The following ASH1L variants were observed in gnomAD, a reference collection of about 807,000 sequenced individuals.
ASH1L encodes histone-lysine N-methyltransferase ASH1L.
ASH1L carries 23 observed loss-of-function variants against 269.0 expected under a neutral mutation model. That is an observed-to-expected ratio of 0.09 (90% CI 0.06 to 0.12). The LOEUF is 0.12. Ranked by LOEUF, ASH1L falls within the 10% of genes least tolerant of loss-of-function variation. The pLI is 1.00. For missense variants in ASH1L, 2,912 were observed against 3,567.8 expected (o/e 0.82, Z 4.68); for synonymous variants, 1,187 against 1,253.5 (o/e 0.95, Z 1.12).
At chr1:155,545,175 C>CAAA (rs10624841) in intron 1 of ASH1L, among the ~76,000 whole-genome samples, 3,462 of 21,820 alleles carry the variant, frequency 0.16, 1,367 homozygotes, top group Middle Eastern at 0.42. Context: ...TCCATCTCAC[C>CAAA]AAAAAAAAAA....
intron 2 of ASH1L, among the ~76,000 whole-genome samples, chr1:155,506,866 G>A (rs1667850021): frequency 2.0e-5 from 3 of 152,088 alleles, no homozygotes; most frequent in Admixed American, 6.6e-5. Context: ...GGCTGAGGTA[G>A]GAGGATCGTT....
chr1:155,543,011 A>T (rs183386511), intron 1 of ASH1L, among the ~76,000 whole-genome samples: 5,921 of 146,556 alleles, frequency 0.04, 379 homozygotes, highest in African/African-American at 0.16. Flanking sequence ...CTTTTTTTTT[A>T]AATATTTTAA....
chr1:155,432,408 T>G (rs1661678695), intron 5 of ASH1L, among the ~76,000 whole-genome samples: 1 of 152,202 alleles, frequency 6.6e-6, no homozygotes, highest in Non-Finnish European at 1.5e-5. Flanking sequence ...TAGGAAAAGT[T>G]TCTAGATTTA....
At chr1:155,402,897 T>C (rs771513125) in intron 6 of ASH1L, among the ~76,000 whole-genome samples, 12 of 147,254 alleles carry the variant, frequency 8.1e-5, no homozygotes, top group African/African-American at 1.5e-4. Flanking sequence ...TAAAAAGACA[T>C]TGAAGGCCGG....
chr1:155,561,720 T>C (rs2148935917), intron 1 of ASH1L, among the ~76,000 whole-genome samples: 1 of 152,276 alleles, frequency 6.6e-6, no homozygotes, highest in East Asian at 1.9e-4. Context: ...GAGATCATCC[T>C]GTCGTTCCCA....
At chr1:155,465,246 C>A (rs116736328) in intron 3 of ASH1L, among the ~76,000 whole-genome samples, 2,963 of 142,440 alleles carry the variant, frequency 0.021, 97 homozygotes, top group African/African-American at 0.075. Flanking sequence ...AGCATCCTAG[C>A]CTAGAAAAAC....
intron 3 of ASH1L, among the ~76,000 whole-genome samples, chr1:155,473,714 T>G (rs1413688338): frequency 6.6e-6 from 1 of 152,186 alleles, no homozygotes; most frequent in South Asian, 2.1e-4. Flanking sequence ...TTGCCCAGGC[T>G]GGTCTTCAAC....
intron 24 of ASH1L, among the ~76,000 whole-genome samples, 197 bp from the exon 25 acceptor site, chr1:155,342,299 A>G (rs532857596): frequency 1.3e-5 from 2 of 152,346 alleles, no homozygotes; most frequent in South Asian, 4.1e-4. Context: ...AACAAAGGAT[A>G]AAGTAAATAT....
chr1:155,412,105 G>A (rs1483212215), intron 6 of ASH1L, among the ~76,000 whole-genome samples: 1 of 152,034 alleles, frequency 6.6e-6, no homozygotes, highest in African/African-American at 2.4e-5. Context: ...GGCTGGGCAT[G>A]GCGGTGTGTG....
At chr1:155,534,138 G>GCAC (rs1669885387) in intron 1 of ASH1L, among the ~76,000 whole-genome samples, 1 of 149,086 alleles carries the variant, frequency 6.7e-6, no homozygotes, top group African/African-American at 2.5e-5. Flanking sequence ...TGGTGCCATT[G>GCAC]CACTCCACGC....
intron 2 of ASH1L, 82 bp from the exon 3 acceptor site, chr1:155,482,531 TG>T: frequency 1.5e-6 from 2 of 1,378,118 alleles, no homozygotes; most frequent in Non-Finnish European, 2.0e-6. Context: ...AACAAACTAA[TG>T]GATCACATAT....
chr1:155,349,214 T>C (rs1025653324), intron 19 of ASH1L, 113 bp downstream of exon 19: 1 of 1,214,346 alleles, frequency 8.2e-7, no homozygotes, highest in Admixed American at 2.4e-5. Flanking sequence ...CAAAAATGAC[T>C]GGCTTTTCCA....
chr1:155,380,902 A>G (rs1656883180), intron 7 of ASH1L, among the ~76,000 whole-genome samples: 1 of 151,688 alleles, frequency 6.6e-6, no homozygotes, highest in Admixed American at 6.6e-5. Context: ...AGCCTCCCAA[A>G]GTGCTGGGAT....
At chr1:155,433,782 G>T (rs186467446) in intron 5 of ASH1L, 2,333 of 1,605,570 alleles carry the variant, frequency 1.5e-3, no homozygotes, top group Non-Finnish European at 1.9e-3. Context: ...TGTAAGCTGC[G>T]GCCCTTGCTG....
At chr1:155,424,783 G>A (rs762254600) in intron 5 of ASH1L, among the ~76,000 whole-genome samples, 1 of 152,110 alleles carries the variant, frequency 6.6e-6, no homozygotes, top group African/African-American at 2.4e-5. Context: ...GTCATGTATA[G>A]TTTGTGTTTG....
At position 155,343,015 on chromosome 1, in the gene ASH1L, C is replaced by CTTT; in HGVS notation, c.8293+296_8293+298dup. 1.0e-5 allele frequency: 2 copies of CTTT among 190,754 alleles called. No individual in the cohort carries two copies. The highest frequency in any genetic ancestry group is 1.0e-5 in the Non-Finnish European group (1 of 95,516). The allele number at this position is 190,754 out of a possible 1,614,324, so 11.8% of individuals were successfully genotyped here. A position where few individuals can be genotyped will look rare whatever the true frequency, so the allele number is the denominator to read the frequency against. ...ACAGGAGACATGAGGTCATTGAAGTCTTTTTTTTTTTTTTGAGGCAGGGTT... is the reference window on the plus strand; with the variant it reads ...ACAGGAGACATGAGGTCATTGAAGTCTTTTTTTTTTTTTTTTTGAGGCAGGGTT... On this transcript the variant is annotated intron_variant, in intron 24 of 27. Coordinates refer to ENST00000392403, the MANE Select transcript of ASH1L (RefSeq NM_018489.3). The surrounding 1 kb of genome is among the most constrained non-coding windows in gnomAD (Gnocchi z 6.1).
chr1:155,492,504 TTTGCTCATTGTTCTAAGAACA>T lies in ASH1L; in HGVS notation c.421-10076_421-10056del, dbSNP rs1394897297. 2.8e-4 allele frequency among the ~76,000 whole-genome samples: 42 copies of T among 152,240 alleles called. 1 individual carries two copies. The South Asian group carries it at 3.1e-3, about 11-fold the overall frequency. Reference sequence around the variant, plus strand: ...GGGAAGCAGCCTTTATTCCAAAAGGTTTGCTCATTGTTCTAAGAACATTGCTCATTGTTCTAAGAACATTAC... The same window carrying T: ...GGGAAGCAGCCTTTATTCCAAAAGGTTTGCTCATTGTTCTAAGAACATTAC... On this transcript the variant is annotated intron_variant, in intron 2 of 27. Transcript: ENST00000392403.
intron 20 of ASH1L, among the ~76,000 whole-genome samples, chr1:155,346,959 C>T (rs1370299289): frequency 6.6e-6 from 1 of 152,236 alleles, no homozygotes; most frequent in Non-Finnish European, 1.5e-5. Flanking sequence ...AGGAGCCCTA[C>T]ATGTATTAAC....
chr1:155,349,629 T>C (rs1275649439), intron 17 of ASH1L, 33 bp from the exon 18 acceptor site: 1 of 1,605,818 alleles, frequency 6.2e-7, no homozygotes, highest in East Asian at 2.2e-5. Flanking sequence ...GTAGAAAGAT[T>C]CCACCATACA....
Sources: allele counts gnomAD v4.1 joint callset (sites outside exome capture counted in the v4.1 genomes callset), GRCh38; gene constraint gnomAD v4.1.1; non-coding constraint Gnocchi (gnomAD v3.1); transcripts MANE v1.5; gene names NCBI Gene and HGNC (gene_info 2026-07-23, HGNC 2026-07-21).